Variants in SAMD5 observed in about 807,000 individuals in gnomAD.
The protein encoded by SAMD5 is sterile alpha motif domain-containing protein 5.
In SAMD5, 13 loss-of-function variants were observed where a neutral mutation model predicts 11.3. The ratio of observed to expected loss-of-function variants is 1.15; its 90% confidence interval spans 0.75 to 1.83. SAMD5 has a LOEUF of 1.83. SAMD5 is among the 40% of genes most tolerant of loss of function. The pLI is 0.00. For synonymous variants in SAMD5, 129 were observed against 111.3 expected (o/e 1.16, Z -1.00); for missense variants, 255 against 239.1 (o/e 1.07, Z -0.44).
intron 1 of SAMD5, among the ~76,000 whole-genome samples, chr6:147,619,335 A>G (rs559413376): frequency 1.3e-5 from 2 of 152,352 alleles, no homozygotes; most frequent in African/African-American, 2.4e-5. Flanking sequence ...ATAGAAATGC[A>G]TTGGGTTATT....
At chr6:147,729,052 C>T (rs1791669759) in intron 1 of SAMD5, among the ~76,000 whole-genome samples, 1 of 152,166 alleles carries the variant, frequency 6.6e-6, no homozygotes, top group South Asian at 2.1e-4. Context: ...GATCATGGTG[C>T]CAGCAGGGTT....
At chr6:147,833,312 C>T in the SAMD5 span, among the ~76,000 whole-genome samples, 7 of 152,144 alleles carry the variant, frequency 4.6e-5, no homozygotes, top group Non-Finnish European at 7.4e-5. Context: ...CAAAAATATG[C>T]TTGTTGAAAA....
At chr6:147,731,937 A>G (rs1791721654) in intron 1 of SAMD5, among the ~76,000 whole-genome samples, 1 of 152,152 alleles carries the variant, frequency 6.6e-6, no homozygotes, top group African/African-American at 2.4e-5. Context: ...TGACTACACT[A>G]TTTCTAAAAT....
At chr6:147,773,836 C>T in the SAMD5 span, among the ~76,000 whole-genome samples, 1 of 152,012 alleles carries the variant, frequency 6.6e-6, no homozygotes, top group Non-Finnish European at 1.5e-5. Flanking sequence ...GGCAAGGAAG[C>T]CCTCTGGGGT....
intron 1 of SAMD5, among the ~76,000 whole-genome samples, chr6:147,590,624 G>T (rs1401974158): frequency 6.6e-6 from 1 of 152,096 alleles, no homozygotes; most frequent in Non-Finnish European, 1.5e-5. Context: ...TGTTGCCTAG[G>T]CTGGTCTCGA....
At position 147,602,797 on chromosome 6, in the gene SAMD5, C is replaced by A. The variant is rs546690355; in HGVS notation, c.162+93410C>A. 2.7e-3 allele frequency among the ~76,000 whole-genome samples: 416 copies of A among 151,652 alleles called. 3 individuals carry two copies. The highest frequency in any genetic ancestry group is 9.4e-3 in the African/African-American group (388 of 41,370). ...CCAACCAAACAAAAAAAAAACTCAC[C>A]CAATAAAATAGAGTAGTTCTAGAAT... On this transcript the variant is annotated intron_variant, in intron 1 of 1. Coordinates refer to the SAMD5 transcript ENST00000566741.
At chr6:147,843,295 A>C in the SAMD5 span, among the ~76,000 whole-genome samples, 1 of 152,234 alleles carries the variant, frequency 6.6e-6, no homozygotes. Flanking sequence ...AAAAAAGTGA[A>C]AGATCTGTAT....
At chr6:147,515,162 C>A (rs1368365474) in intron 1 of SAMD5, among the ~76,000 whole-genome samples, 2 of 145,334 alleles carry the variant, frequency 1.4e-5, no homozygotes, top group African/African-American at 5.0e-5. Flanking sequence ...TACCCTCAAC[C>A]TATATCCTTC....
the SAMD5 span, among the ~76,000 whole-genome samples, chr6:147,778,299 A>C: frequency 6.6e-6 from 1 of 152,118 alleles, no homozygotes; most frequent in Non-Finnish European, 1.5e-5. Flanking sequence ...CCTGGCTTTA[A>C]ATACCATGGA....
the SAMD5 span, among the ~76,000 whole-genome samples, chr6:147,901,250 T>C: frequency 1.3e-5 from 2 of 152,260 alleles, no homozygotes; most frequent in African/African-American, 4.8e-5. Flanking sequence ...AAATGTTAGC[T>C]AATTTATGGT....
intron 1 of SAMD5, among the ~76,000 whole-genome samples, chr6:147,614,230 G>A (rs1789831254): frequency 6.6e-6 from 1 of 151,870 alleles, no homozygotes; most frequent in Non-Finnish European, 1.5e-5. Context: ...ACATTTGGGA[G>A]GCAGAGGCGG....
chr6:147,576,142 C>CTT lies in SAMD5; in HGVS notation c.162+66769_162+66770dup, dbSNP rs34576408. Among the ~76,000 whole-genome samples, 251 of 141,512 alleles carry CTT rather than the reference C, an allele frequency of 1.8e-3. 1 individual carries two copies. Among genetic ancestry groups the CTT allele is most frequent in the African/African-American group, 5.1e-3 (196 of 38,598 alleles). The allele number at this position is 141,512 out of a possible 152,430, so 92.8% of individuals were successfully genotyped here. A position where few individuals can be genotyped will look rare whatever the true frequency, so the allele number is the denominator to read the frequency against. ...TAGAATTCTGTTAAAATATTTTAAA[C>CTT]TTTTTTTTTTTTTTTGAGATGGAGT... On this transcript the variant is annotated intron_variant, in intron 1 of 1. Coordinates refer to the SAMD5 transcript ENST00000566741.
chr6:147,794,250 G>T, the SAMD5 span, among the ~76,000 whole-genome samples: 1 of 152,070 alleles, frequency 6.6e-6, no homozygotes, highest in Admixed American at 6.6e-5. Flanking sequence ...CAGGATTGTT[G>T]GGAGAGTTAA....
chr6:147,933,098 A>G, the SAMD5 span, among the ~76,000 whole-genome samples: 4 of 152,288 alleles, frequency 2.6e-5, no homozygotes, highest in East Asian at 5.8e-4. Context: ...CTCCTTTCCA[A>G]TAGTATGGAT....
chr6:147,810,919 C>T, the SAMD5 span, among the ~76,000 whole-genome samples: 1 of 152,144 alleles, frequency 6.6e-6, no homozygotes, highest in Admixed American at 6.6e-5. Context: ...CCTCAAGAAG[C>T]TGATATCTAA....
At chr6:147,509,437 C>CA in intron 1 of SAMD5, 50 bp downstream of exon 1, 1 of 1,470,364 alleles carries the variant, frequency 6.8e-7, no homozygotes, top group South Asian at 1.3e-5. Context: ...GGAGGGGACA[C>CA]AGCCCAGCTG....
At chr6:147,570,831 T>C (rs966686302), downstream of SAMD5, among the ~76,000 whole-genome samples, 2 of 152,156 alleles carry the variant, frequency 1.3e-5, no homozygotes, top group African/African-American at 2.4e-5. Flanking sequence ...AATTGTGTAG[T>C]TAAGAGACTA....
chr6:147,832,803 C>T, the SAMD5 span, among the ~76,000 whole-genome samples: 1 of 152,168 alleles, frequency 6.6e-6, no homozygotes, highest in East Asian at 1.9e-4. Context: ...ACACTAAGCA[C>T]TTAACCCAAC....
chr6:147,929,703 A>C, the SAMD5 span, among the ~76,000 whole-genome samples: 1 of 152,152 alleles, frequency 6.6e-6, no homozygotes, highest in East Asian at 1.9e-4. Context: ...TATGTTGGCA[A>C]CTTATATTCT....
Sources: gnomAD v4.1 joint callset for allele counts (sites outside exome capture counted in the v4.1 genomes callset) on GRCh38, gnomAD v4.1.1 for gene constraint, MANE v1.5 for transcripts, NCBI Gene and HGNC (gene_info 2026-07-23, HGNC 2026-07-21) for gene names.